The following LOC128462377 variants were observed in gnomAD, a reference collection of about 807,000 sequenced individuals.
the LOC128462377 span, among the ~76,000 whole-genome samples, chr16:89,369,429 G>A: frequency 3.3e-5 from 5 of 152,210 alleles, no homozygotes; most frequent in African/African-American, 1.2e-4. Context: ...TGCAGCAAGG[G>A]TGCGCCTCCA....
chr16:89,365,539 T>C, the LOC128462377 span, among the ~76,000 whole-genome samples: 1 of 152,240 alleles, frequency 6.6e-6, no homozygotes, highest in African/African-American at 2.4e-5. Context: ...CAGGATTTTC[T>C]GAAACTCGCT....
chr16:89,393,716 C>A, the LOC128462377 span, among the ~76,000 whole-genome samples: 1 of 151,864 alleles, frequency 6.6e-6, no homozygotes, highest in Non-Finnish European at 1.5e-5. Flanking sequence ...GCAGCCGGGC[C>A]GATGGAAACA....
At chr16:89,338,428 A>T in the LOC128462377 span, among the ~76,000 whole-genome samples, 12 of 149,818 alleles carry the variant, frequency 8.0e-5, no homozygotes. Flanking sequence ...CTCTGTTAAA[A>T]AAAAAAAAAA....
At chr16:89,375,150 C>A in the LOC128462377 span, among the ~76,000 whole-genome samples, 1 of 152,070 alleles carries the variant, frequency 6.6e-6, no homozygotes, top group Non-Finnish European at 1.5e-5. Context: ...CCACACTGCA[C>A]GCTGTAATGA....
the LOC128462377 span, among the ~76,000 whole-genome samples, chr16:89,381,354 A>AAAG: frequency 3.1e-3 from 393 of 125,294 alleles, 6 homozygotes; most frequent in African/African-American, 0.012. Flanking sequence ...AAAAAAAAAA[A>AAAG]GGGGTGAGAA....
chr16:89,320,400 A>G, the LOC128462377 span: 102,141 of 152,106 alleles, frequency 0.67, 34,325 homozygotes, highest in Middle Eastern at 0.77. Flanking sequence ...CGACCCTTGA[A>G]TCAGCAGGAA....
chr16:89,417,881 T>A, the LOC128462377 span, among the ~76,000 whole-genome samples: 3 of 151,998 alleles, frequency 2.0e-5, no homozygotes, highest in Admixed American at 2.0e-4. Context: ...GCTCCCAGGA[T>A]ACAGAATCCT....
At chr16:89,387,451 T>C in the LOC128462377 span, among the ~76,000 whole-genome samples, 6 of 151,384 alleles carry the variant, frequency 4.0e-5, no homozygotes, top group Non-Finnish European at 8.8e-5. Context: ...GGCGGGCAGA[T>C]CACGAGGTCA....
the LOC128462377 span, among the ~76,000 whole-genome samples, chr16:89,344,300 A>G: frequency 3.3e-5 from 5 of 152,172 alleles, no homozygotes; most frequent in Non-Finnish European, 7.4e-5. Context: ...CAGCTAACAG[A>G]TGGTATTATT....
the LOC128462377 span, among the ~76,000 whole-genome samples, chr16:89,374,970 T>C: frequency 6.6e-6 from 1 of 152,108 alleles, no homozygotes. Context: ...ACAAAATATA[T>C]GTAGATATTA....
chr16:89,415,801 C>T, the LOC128462377 span, among the ~76,000 whole-genome samples: 1 of 116,296 alleles, frequency 8.6e-6, no homozygotes, highest in Non-Finnish European at 1.8e-5. Flanking sequence ...ACACTCCAGG[C>T]CCTGCACAAC....
At chr16:89,351,173 G>A in the LOC128462377 span, among the ~76,000 whole-genome samples, 4 of 152,242 alleles carry the variant, frequency 2.6e-5, no homozygotes, top group Admixed American at 2.0e-4. Context: ...GAGCACTGTT[G>A]TGAAGAAAAG....
the LOC128462377 span, among the ~76,000 whole-genome samples, chr16:89,404,918 C>T: frequency 6.6e-6 from 1 of 152,248 alleles, no homozygotes; most frequent in Non-Finnish European, 1.5e-5. Flanking sequence ...GTAAAGTGAA[C>T]TCGTGGACAA....
the LOC128462377 span, among the ~76,000 whole-genome samples, chr16:89,340,559 G>C: frequency 6.6e-6 from 1 of 152,230 alleles, no homozygotes; most frequent in Non-Finnish European, 1.5e-5. Context: ...ACAGGCATGA[G>C]CCACAGCGCC....
the LOC128462377 span, among the ~76,000 whole-genome samples, chr16:89,416,777 A>AAG: frequency 6.6e-6 from 1 of 151,890 alleles, no homozygotes; most frequent in Non-Finnish European, 1.5e-5. Context: ...AAAAAAAAAA[A>AAG]AAAAATTAAA....
chr16:89,356,789 A>AAAAAAAAG, the LOC128462377 span, among the ~76,000 whole-genome samples: 1 of 151,186 alleles, frequency 6.6e-6, no homozygotes, highest in African/African-American at 2.4e-5. Context: ...TCAAAAAAAA[A>AAAAAAAAG]AAAAAAGAAA....
At chr16:89,407,244 A>C in the LOC128462377 span, among the ~76,000 whole-genome samples, 1 of 152,138 alleles carries the variant, frequency 6.6e-6, no homozygotes, top group African/African-American at 2.4e-5. Flanking sequence ...AAGGCACACG[A>C]GGAACATCAG....
the LOC128462377 span, chr16:89,324,254 G>A: frequency 2.5e-6 from 3 of 1,223,460 alleles, no homozygotes; most frequent in Admixed American, 2.9e-5. Flanking sequence ...TTGGTCACTG[G>A]GCTGTGGAAC....
At chr16:89,361,335 G>T in the LOC128462377 span, among the ~76,000 whole-genome samples, 2 of 152,168 alleles carry the variant, frequency 1.3e-5, no homozygotes, top group African/African-American at 4.8e-5. Context: ...CGGGGGCGGG[G>T]GGTGCTGCAG....
Sources: allele counts gnomAD v4.1 joint callset (sites outside exome capture counted in the v4.1 genomes callset), GRCh38; gene constraint gnomAD v4.1.1; transcripts MANE v1.5.